The following XYLT1 variants were observed in gnomAD, a reference collection of about 807,000 sequenced individuals.
XYLT1 encodes the protein xylosyltransferase 1.
A neutral mutation model predicts 91.3 loss-of-function variants in XYLT1; 36 were observed. That is an observed-to-expected ratio of 0.39 (90% CI 0.30 to 0.52). The LOEUF (loss-of-function observed/expected upper bound fraction) is 0.52. Ranked by LOEUF, XYLT1 falls within the 20% of genes least tolerant of loss-of-function variation. The pLI is 0.68. For synonymous variants in XYLT1, 588 were observed against 532.0 expected (o/e 1.11, Z -1.45); for missense variants, 1,242 against 1,284.5 (o/e 0.97, Z 0.51).
At chr16:17,207,335 C>T (rs1052503599) in intron 3 of XYLT1, among the ~76,000 whole-genome samples, 1 of 152,124 alleles carries the variant, frequency 6.6e-6, no homozygotes, top group Non-Finnish European at 1.5e-5. Flanking sequence ...GCTGGGATTA[C>T]AGGCGTGAGC....
chr16:17,234,695 A>AAAATAAATAAAT (rs4071716), intron 3 of XYLT1, among the ~76,000 whole-genome samples: 14,263 of 146,896 alleles, frequency 0.097, 809 homozygotes, highest in African/African-American at 0.14. Context: ...GCCATGTGAT[A>AAAATAAATAAAT]AAATAAATAA....
chr16:17,180,628 T>C (rs1019342840), intron 5 of XYLT1, among the ~76,000 whole-genome samples: 1 of 152,088 alleles, frequency 6.6e-6, no homozygotes, highest in Non-Finnish European at 1.5e-5. Context: ...ACAACCACCA[T>C]TGTGGGATTC....
intron 2 of XYLT1, among the ~76,000 whole-genome samples, chr16:17,293,719 G>A (rs1194585102): frequency 6.6e-6 from 1 of 151,990 alleles, no homozygotes; most frequent in African/African-American, 2.4e-5. Context: ...GAACTCCTGA[G>A]CTCAAGTGAT....
At chr16:17,330,879 C>T (rs2034887346) in intron 2 of XYLT1, among the ~76,000 whole-genome samples, 2 of 152,146 alleles carry the variant, frequency 1.3e-5, no homozygotes, top group Non-Finnish European at 2.9e-5. Flanking sequence ...ATGCGCATAT[C>T]AGGTGGCGTT....
chr16:17,219,979 T>A (rs1448881013), intron 3 of XYLT1, among the ~76,000 whole-genome samples: 1 of 152,160 alleles, frequency 6.6e-6, no homozygotes, highest in Non-Finnish European at 1.5e-5. Flanking sequence ...CTGAATGAAC[T>A]GACAGAGGAA....
intron 3 of XYLT1, among the ~76,000 whole-genome samples, chr16:17,214,653 G>A (rs1034772877): frequency 1.8e-4 from 27 of 152,152 alleles, no homozygotes; most frequent in Non-Finnish European, 2.5e-4. Flanking sequence ...ATAGACTCAT[G>A]CACACGCCAC....
intron 3 of XYLT1, among the ~76,000 whole-genome samples, chr16:17,225,654 G>A (rs1003707795): frequency 2.0e-5 from 3 of 151,998 alleles, no homozygotes; most frequent in Non-Finnish European, 2.9e-5. Flanking sequence ...GTTAGACAGC[G>A]AAATGGAATA....
At position 17,198,705 on chromosome 16, in the gene XYLT1, T is replaced by A. The variant is rs112804502; in HGVS notation, c.1087-291A>T. On this transcript the variant is annotated intron_variant, in intron 4 of 11. Transcript: ENST00000261381. ...GGTGGTGCCTGGGACTTCACATTTT[T>A]AAAATTTTATCTTATTTTATTTTAT... 2.4e-3 allele frequency among the ~76,000 whole-genome samples: 367 copies of A among 152,316 alleles called. 1 individual carries two copies. The highest frequency in any genetic ancestry group is 8.4e-3 in the African/African-American group (350 of 41,568).
At chr16:17,335,717 C>A (rs1227495522) in intron 2 of XYLT1, among the ~76,000 whole-genome samples, 1 of 149,426 alleles carries the variant, frequency 6.7e-6, no homozygotes, top group East Asian at 2.0e-4. Flanking sequence ...AAAAATCATT[C>A]ATTGAGTAAC....
intron 2 of XYLT1, among the ~76,000 whole-genome samples, chr16:17,329,232 A>G (rs889808157): frequency 1.3e-5 from 2 of 152,238 alleles, no homozygotes; most frequent in Non-Finnish European, 2.9e-5. Context: ...GCCGTAGTTT[A>G]TCAAGCCCTG....
chr16:17,348,175 C>T (rs889318866), intron 2 of XYLT1, among the ~76,000 whole-genome samples: 2 of 152,126 alleles, frequency 1.3e-5, no homozygotes, highest in African/African-American at 4.8e-5. Context: ...GGGAAGAAGA[C>T]ACCCAACATG....
chr16:17,314,314 C>G (rs1192952044), intron 2 of XYLT1, among the ~76,000 whole-genome samples: 1 of 152,164 alleles, frequency 6.6e-6, no homozygotes, highest in African/African-American at 2.4e-5. Flanking sequence ...TCATCACCCA[C>G]AAAACAGCAC....
intron 1 of XYLT1, among the ~76,000 whole-genome samples, chr16:17,366,094 T>A (rs1266072047): frequency 1.0e-5 from 1 of 96,998 alleles, no homozygotes; most frequent in Non-Finnish European, 2.0e-5. Flanking sequence ...GCAGCCTTGA[T>A]GAAATACTTG....
intron 1 of XYLT1, among the ~76,000 whole-genome samples, chr16:17,433,510 C>T (rs1189529633): frequency 1.3e-5 from 2 of 152,174 alleles, no homozygotes; most frequent in Non-Finnish European, 2.9e-5. Context: ...TCCCCCAGCC[C>T]ACTTCAGAAT....
chr16:17,227,665 G>A (rs1325996498), intron 3 of XYLT1: 3 of 152,256 alleles, frequency 2.0e-5, no homozygotes, highest in African/African-American at 7.2e-5. Flanking sequence ...GTGATGTGAG[G>A]AGAAGCACAT....
intron 3 of XYLT1, among the ~76,000 whole-genome samples, chr16:17,238,556 G>A (rs994144644): frequency 3.9e-5 from 6 of 152,182 alleles, no homozygotes; most frequent in Admixed American, 2.6e-4. Flanking sequence ...CAGGACCCCT[G>A]TCTTAGAGAA....
chr16:17,192,078 GTCTC>G (rs1208941855), intron 5 of XYLT1, among the ~76,000 whole-genome samples: 7 of 148,448 alleles, frequency 4.7e-5, no homozygotes, highest in Non-Finnish European at 5.9e-5. Context: ...GAGGCGTGAG[GTCTC>G]TCTCTCTCTC....
At chr16:17,264,103 T>C (rs1307175390) in intron 2 of XYLT1, among the ~76,000 whole-genome samples, 1 of 152,116 alleles carries the variant, frequency 6.6e-6, no homozygotes, top group Non-Finnish European at 1.5e-5. Flanking sequence ...CAGCAAATTG[T>C]TGTATATTGT....
chr16:17,405,708 G>C (rs1213774399), intron 1 of XYLT1, among the ~76,000 whole-genome samples: 1 of 152,220 alleles, frequency 6.6e-6, no homozygotes, highest in Non-Finnish European at 1.5e-5. Context: ...CACCTGCAGA[G>C]GCTGAGACAA....
Sources: gnomAD v4.1 joint callset for allele counts (sites outside exome capture counted in the v4.1 genomes callset) on GRCh38, gnomAD v4.1.1 for gene constraint, MANE v1.5 for transcripts, NCBI Gene and HGNC (gene_info 2026-07-23, HGNC 2026-07-21) for gene names.